Variants in CNTN6 observed in about 807,000 individuals in gnomAD.
CNTN6 encodes contactin-6.
CNTN6 carries 137 observed loss-of-function variants against 122.8 expected under a neutral mutation model. The observed-to-expected ratio is 1.12, with a 90% CI of 0.97 to 1.29. The LOEUF (loss-of-function observed/expected upper bound fraction) is 1.29, where lower values mean the gene tolerates loss of function less well. CNTN6 is among the 50% of genes most tolerant of loss of function. The pLI, the probability that CNTN6 is intolerant of heterozygous loss-of-function variation, is 0.00. For synonymous variants in CNTN6, 570 were observed against 426.0 expected, an observed-to-expected ratio of 1.34 and a Z score of -4.16; for missense variants, 1,634 against 1,223.4, an observed-to-expected ratio of 1.34 and a Z score of -5.01.
intron 1 of CNTN6, among the ~76,000 whole-genome samples, chr3:1,120,580 T>C (rs1292104130): frequency 6.6e-6 from 1 of 151,940 alleles, no homozygotes; most frequent in Non-Finnish European, 1.5e-5. Context: ...CTATCAGATA[T>C]ATGTATTTTG....
chr3:1,377,043 G>A lies in CNTN6; in HGVS notation c.2134G>A (p.Gly712Arg), dbSNP rs200061315. Residue 712 changes from glycine to arginine, a missense_variant, in exon 17 of 23, where the codon GGA becomes AGA. Transcript: ENST00000446702. ...VAPVNIHGGGGSRSELVITWE... is the reference protein window; with the variant it reads ...VAPVNIHGGGRSRSELVITWE... Reference sequence around the variant, plus strand: ...ACCAGTAAACATCCATGGAGGTGGAGGAAGTCGGTCTGAACTCGTCATTAC... The same window carrying A: ...ACCAGTAAACATCCATGGAGGTGGAAGAAGTCGGTCTGAACTCGTCATTAC... 3.7e-6 allele frequency: 6 copies of A among 1,604,282 alleles called. No homozygotes were observed. Among genetic ancestry groups the A allele is most frequent in the Admixed American group, 1.7e-5 (1 of 58,556 alleles).
chr3:1,224,002 G>A (rs2094244158), intron 3 of CNTN6, among the ~76,000 whole-genome samples: 1 of 152,190 alleles, frequency 6.6e-6, no homozygotes. Context: ...ATGCAGCAAA[G>A]GAACGTCAAA....
At chr3:1,318,597 ATAG>A (rs1700433509) in intron 7 of CNTN6, among the ~76,000 whole-genome samples, 1 of 151,744 alleles carries the variant, frequency 6.6e-6, no homozygotes, top group Admixed American at 6.6e-5. Context: ...CAGGGAAGAG[ATAG>A]TAGCCAAGCT....
At chr3:1,403,019 C>A (rs1235517105) in intron 22 of CNTN6, among the ~76,000 whole-genome samples, 2 of 152,116 alleles carry the variant, frequency 1.3e-5, no homozygotes, top group African/African-American at 2.4e-5. Context: ...AAATCACTTA[C>A]TCATCTGCCT....
chr3:1,245,307 TATA>T (rs1559597776), intron 4 of CNTN6, among the ~76,000 whole-genome samples: 3 of 9,814 alleles, frequency 3.1e-4, no homozygotes, highest in South Asian at 2.2e-3. Context: ...TATATATATA[TATA>T]TATATATATA....
At chr3:1,390,672 T>C (rs1285205837) in intron 20 of CNTN6, among the ~76,000 whole-genome samples, 3 of 151,448 alleles carry the variant, frequency 2.0e-5, no homozygotes, top group African/African-American at 7.3e-5. Flanking sequence ...GCAAGACTAA[T>C]AAAGAAAAAG....
chr3:1,305,237 A>T (rs926903862), intron 7 of CNTN6, among the ~76,000 whole-genome samples: 2 of 152,182 alleles, frequency 1.3e-5, no homozygotes, highest in Non-Finnish European at 2.9e-5. Flanking sequence ...TGAGGTCTAG[A>T]GAAGAACAGG....
At chr3:1,125,783 G>A (rs568979076) in intron 1 of CNTN6, among the ~76,000 whole-genome samples, 3 of 151,594 alleles carry the variant, frequency 2.0e-5, no homozygotes, top group East Asian at 1.9e-4. Flanking sequence ...TCAAAGTACC[G>A]GTAATATATT....
chr3:1,223,104 T>C (rs1462646669), intron 3 of CNTN6, among the ~76,000 whole-genome samples: 1 of 152,188 alleles, frequency 6.6e-6, no homozygotes, highest in African/African-American at 2.4e-5. Context: ...CTCACAACTA[T>C]ATTCACCTTA....
intron 11 of CNTN6, among the ~76,000 whole-genome samples, chr3:1,338,567 C>T (rs548646907): frequency 1.3e-5 from 2 of 152,266 alleles, no homozygotes; most frequent in Admixed American, 1.3e-4. Context: ...GCCATTCATT[C>T]TATCTCACTG....
chr3:1,288,627 A>G (rs943430992), intron 5 of CNTN6, among the ~76,000 whole-genome samples: 4 of 152,214 alleles, frequency 2.6e-5, no homozygotes, highest in African/African-American at 7.2e-5. Context: ...GAAACATGCT[A>G]TCAATTTTGA....
chr3:1,348,301 T>C (rs1432922019), intron 11 of CNTN6, among the ~76,000 whole-genome samples: 1 of 151,940 alleles, frequency 6.6e-6, no homozygotes, highest in African/African-American at 2.4e-5. Context: ...TACACCATAA[T>C]TGCACAGGAT....
intron 11 of CNTN6, among the ~76,000 whole-genome samples, chr3:1,340,589 A>G (rs1420487218): frequency 1.3e-5 from 2 of 152,208 alleles, no homozygotes; most frequent in East Asian, 1.9e-4. Flanking sequence ...TAAAATAGGT[A>G]TAAGACTGTG....
At chr3:1,377,979 A>G (rs78517788) in intron 17 of CNTN6, among the ~76,000 whole-genome samples, 5,890 of 152,188 alleles carry the variant, frequency 0.039, 154 homozygotes, top group African/African-American at 0.062. Flanking sequence ...ATCCCCCACC[A>G]AGGACTCCCA....
At chr3:1,194,925 C>T (rs565033823) in intron 2 of CNTN6, among the ~76,000 whole-genome samples, 9 of 152,086 alleles carry the variant, frequency 5.9e-5, no homozygotes, top group African/African-American at 2.2e-4. Flanking sequence ...GGAAAGACTG[C>T]CCTTTCCAAA....
At chr3:1,256,257 T>C (rs1256766574) in intron 4 of CNTN6, among the ~76,000 whole-genome samples, 1 of 152,148 alleles carries the variant, frequency 6.6e-6, no homozygotes, top group Non-Finnish European at 1.5e-5. Context: ...TGAAATAATC[T>C]GGGAGCCTAT....
At chr3:1,188,934 TTGAGTTA>T (rs1323999523) in intron 2 of CNTN6, among the ~76,000 whole-genome samples, 3 of 152,240 alleles carry the variant, frequency 2.0e-5, no homozygotes, top group Non-Finnish European at 4.4e-5. Context: ...TAGCCTAGGC[TTGAGTTA>T]TTTTATTTGA....
chr3:1,112,144 C>T (rs549621185), intron 1 of CNTN6, among the ~76,000 whole-genome samples: 1 of 152,128 alleles, frequency 6.6e-6, no homozygotes, highest in Admixed American at 6.6e-5. Flanking sequence ...GTTCATCAAA[C>T]CTCATTAACC....
chr3:1,300,507 G>GGA (rs1697076967), intron 7 of CNTN6, among the ~76,000 whole-genome samples: 1 of 134,296 alleles, frequency 7.4e-6, no homozygotes, highest in Non-Finnish European at 1.6e-5. Context: ...AGAAAAGAAA[G>GGA]AGAAAGAAAG....
Sources: gnomAD v4.1 joint callset for allele counts (sites outside exome capture counted in the v4.1 genomes callset) on GRCh38, gnomAD v4.1.1 for gene constraint, MANE v1.5 for transcripts, NCBI Gene and HGNC (gene_info 2026-07-23, HGNC 2026-07-21) for gene names.